The following PRKAG2 variants were observed in gnomAD, a reference collection of about 807,000 sequenced individuals.
The protein encoded by PRKAG2 is 5'-AMP-activated protein kinase subunit gamma-2.
PRKAG2 carries 26 observed loss-of-function variants against 69.6 expected under a neutral mutation model. The observed-to-expected ratio is 0.37, with a 90% CI of 0.27 to 0.52. PRKAG2 has a LOEUF of 0.52. PRKAG2 is among the 20% of genes least tolerant of loss of function. The pLI, the probability that PRKAG2 is intolerant of heterozygous loss-of-function variation, is 0.90. For missense variants in PRKAG2, 557 were observed against 740.0 expected (o/e 0.75, Z 2.87); for synonymous variants, 293 against 285.0 (o/e 1.03, Z -0.28).
chr7:151,798,986 T>C (rs2151835751), intron 1 of PRKAG2, among the ~76,000 whole-genome samples: 1 of 152,284 alleles, frequency 6.6e-6, no homozygotes, highest in Admixed American at 6.5e-5. Context: ...AGGCCACCGC[T>C]AGACCCAGAA....
chr7:151,746,284 C>G (rs942799135), intron 3 of PRKAG2, among the ~76,000 whole-genome samples: 3 of 152,192 alleles, frequency 2.0e-5, no homozygotes, highest in African/African-American at 7.2e-5. Context: ...TTAAGAAGCC[C>G]CTAGCTTAGA....
At chr7:151,762,827 G>A (rs368215417) in intron 3 of PRKAG2, among the ~76,000 whole-genome samples, 17 of 152,276 alleles carry the variant, frequency 1.1e-4, no homozygotes, top group Non-Finnish European at 2.2e-4. Flanking sequence ...CAGAGCAGAC[G>A]GCACATTCAG....
intron 3 of PRKAG2, among the ~76,000 whole-genome samples, chr7:151,688,042 G>GCCCC (rs61417635): frequency 0.019 from 1,996 of 106,876 alleles, 274 homozygotes; most frequent in African/African-American, 0.055. Context: ...AGGAAATGAG[G>GCCCC]CCCCCCCCCG....
chr7:151,573,219 G>A (rs966737244), intron 8 of PRKAG2, among the ~76,000 whole-genome samples: 4 of 150,724 alleles, frequency 2.7e-5, no homozygotes, highest in African/African-American at 9.8e-5. Context: ...GTGCACAAGT[G>A]CGATCATGAC....
At chr7:151,706,533 C>G (rs1315339931) in intron 3 of PRKAG2, among the ~76,000 whole-genome samples, 1 of 152,198 alleles carries the variant, frequency 6.6e-6, no homozygotes, top group African/African-American at 2.4e-5. Flanking sequence ...TCTCCCACCA[C>G]GAGGCTTCTT....
chr7:151,751,588 C>T (rs56775584), intron 3 of PRKAG2, among the ~76,000 whole-genome samples: 8 of 152,196 alleles, frequency 5.3e-5, no homozygotes, highest in African/African-American at 1.7e-4. Flanking sequence ...GCACTGCAGC[C>T]GTGAACTCCT....
chr7:151,634,050 C>T (rs1257682286), intron 4 of PRKAG2, among the ~76,000 whole-genome samples: 1 of 152,200 alleles, frequency 6.6e-6, no homozygotes, highest in Admixed American at 6.5e-5. Context: ...CTGCCTCAGC[C>T]TCCCAAGTAG....
chr7:151,767,690 A>G (rs566403473), intron 3 of PRKAG2, among the ~76,000 whole-genome samples: 5 of 152,244 alleles, frequency 3.3e-5, no homozygotes, highest in Admixed American at 6.5e-5. Flanking sequence ...ACTCGCTTAG[A>G]TATCAGTGCA....
intron 3 of PRKAG2, among the ~76,000 whole-genome samples, chr7:151,746,700 T>G (rs1474555923): frequency 1.3e-5 from 2 of 152,190 alleles, no homozygotes; most frequent in Non-Finnish European, 2.9e-5. Flanking sequence ...CCTGCTCCAG[T>G]GGCTGCTCCT....
At chr7:151,856,841 C>T (rs1475244228) in intron 1 of PRKAG2, among the ~76,000 whole-genome samples, 1 of 151,948 alleles carries the variant, frequency 6.6e-6, no homozygotes, top group African/African-American at 2.4e-5. Flanking sequence ...TGAAACCCAG[C>T]TCTAAGGAAA....
intron 3 of PRKAG2, among the ~76,000 whole-genome samples, chr7:151,739,193 G>T (rs922295426): frequency 6.6e-6 from 1 of 152,244 alleles, no homozygotes; most frequent in African/African-American, 2.4e-5. Flanking sequence ...TCGACTGGTA[G>T]AGCAACTGCT....
intron 8 of PRKAG2, among the ~76,000 whole-genome samples, 171 bp downstream of exon 8, chr7:151,574,720 T>C (rs987304556): frequency 6.6e-6 from 1 of 152,206 alleles, no homozygotes. Flanking sequence ...AAGAGAGTTT[T>C]GTACTGAAGT....
At chr7:151,800,090 G>A (rs1273367824) in intron 1 of PRKAG2, among the ~76,000 whole-genome samples, 1 of 151,992 alleles carries the variant, frequency 6.6e-6, no homozygotes, top group African/African-American at 2.4e-5. Flanking sequence ...GGGTGCGGTG[G>A]CTCATGCCTG....
intron 5 of PRKAG2, among the ~76,000 whole-genome samples, chr7:151,631,174 A>G (rs1391643982): frequency 6.6e-6 from 1 of 152,242 alleles, no homozygotes; most frequent in Admixed American, 6.5e-5. Context: ...ACTCCTGGAA[A>G]AAAGAGAAGT....
chr7:151,809,479 A>C (rs2078304528), intron 1 of PRKAG2: 2 of 302,462 alleles, frequency 6.6e-6, no homozygotes, highest in Admixed American at 9.5e-5. Flanking sequence ...CGGTGCCTTC[A>C]CATTGGTCTT....
chr7:151,674,934 T>G (rs1044875521), intron 4 of PRKAG2: 13 of 170,832 alleles, frequency 7.6e-5, no homozygotes, highest in African/African-American at 3.1e-4. Context: ...TTTTCTTTTT[T>G]TTTTCAGACA....
At chr7:151,641,347 A>G (rs932133618) in intron 4 of PRKAG2, among the ~76,000 whole-genome samples, 1 of 145,862 alleles carries the variant, frequency 6.9e-6, no homozygotes, top group Non-Finnish European at 1.5e-5. Context: ...TCCCTGGTTC[A>G]AGTGATTCCC....
At chr7:151,709,582 AGT>A (rs1349973847) in intron 3 of PRKAG2, among the ~76,000 whole-genome samples, 6 of 152,162 alleles carry the variant, frequency 3.9e-5, no homozygotes, top group Non-Finnish European at 7.3e-5. Context: ...TGTAACATTG[AGT>A]GTGACAGTGA....
chr7:151,709,145 TG>T (rs1388367538), intron 3 of PRKAG2, among the ~76,000 whole-genome samples: 1 of 152,148 alleles, frequency 6.6e-6, no homozygotes, highest in Non-Finnish European at 1.5e-5. Context: ...CAATGAACAA[TG>T]TGTGAACTGT....
Sources: gnomAD v4.1 joint callset for allele counts (sites outside exome capture counted in the v4.1 genomes callset) on GRCh38, gnomAD v4.1.1 for gene constraint, MANE v1.5 for transcripts, NCBI Gene and HGNC (gene_info 2026-07-23, HGNC 2026-07-21) for gene names.